The following ROBO2 variants were observed in gnomAD, a reference collection of about 807,000 sequenced individuals.
ROBO2 encodes roundabout homolog 2.
A neutral mutation model predicts 160.8 loss-of-function variants in ROBO2; 53 were observed. The observed-to-expected ratio is 0.33, with a 90% CI of 0.26 to 0.41. ROBO2 has a LOEUF of 0.41. ROBO2 is among the 10% of genes least tolerant of loss of function. The pLI is 1.00. For synonymous variants in ROBO2, 664 were observed against 611.7 expected (o/e 1.09, Z -1.26); for missense variants, 1,577 against 1,722.4 (o/e 0.92, Z 1.49).
At chr3:75,980,403 T>C (rs2065243432) in intron 2 of ROBO2, among the ~76,000 whole-genome samples, 1 of 151,614 alleles carries the variant, frequency 6.6e-6, no homozygotes, top group Non-Finnish European at 1.5e-5. Context: ...ACTTTCAGTC[T>C]GAGCCAAATG....
At chr3:77,212,837 T>G (rs1307193620) in intron 2 of ROBO2, among the ~76,000 whole-genome samples, 1 of 152,338 alleles carries the variant, frequency 6.6e-6, no homozygotes, top group Non-Finnish European at 1.5e-5. Flanking sequence ...GATAATCATA[T>G]GTTTTTTGTC....
intron 2 of ROBO2, among the ~76,000 whole-genome samples, chr3:77,166,189 C>T (rs1397627513): frequency 4.0e-5 from 6 of 151,716 alleles, no homozygotes; most frequent in Non-Finnish European, 7.4e-5. Context: ...ACCCAGGAGG[C>T]GGAGGTTGTA....
chr3:77,140,213 G>A (rs548929014), intron 2 of ROBO2, among the ~76,000 whole-genome samples: 5 of 152,268 alleles, frequency 3.3e-5, no homozygotes, highest in South Asian at 2.1e-4. Flanking sequence ...TTATTGTGGC[G>A]ATTGTTCTTA....
At chr3:76,926,939 G>T (rs2077026706) in intron 2 of ROBO2, among the ~76,000 whole-genome samples, 1 of 151,176 alleles carries the variant, frequency 6.6e-6, no homozygotes, top group African/African-American at 2.4e-5. Context: ...AATAATGGTG[G>T]AAAAAAATTG....
At chr3:77,040,217 C>G (rs765784200) in exon 1 of ROBO2, 2 of 986,578 alleles carry the variant, frequency 2.0e-6, no homozygotes, top group Non-Finnish European at 2.4e-6. Flanking sequence ...CAAGTCTGCC[C>G]GCCTGCAAAG....
chr3:76,488,242 A>T (rs79081631), intron 2 of ROBO2, among the ~76,000 whole-genome samples: 1 of 152,182 alleles, frequency 6.6e-6, no homozygotes, highest in Non-Finnish European at 1.5e-5. Flanking sequence ...TTCTTTGCCC[A>T]GTTTACTTGG....
intron 2 of ROBO2, among the ~76,000 whole-genome samples, chr3:76,295,769 G>A (rs1193347186): frequency 2.0e-5 from 3 of 152,046 alleles, no homozygotes; most frequent in African/African-American, 4.8e-5. Context: ...TTCATGATGT[G>A]ACTTTACGTA....
At position 75,915,618 on chromosome 3, in the gene ROBO2, A is replaced by C. The variant is rs114909257; in HGVS notation, c.-14+8658A>C. Among the ~76,000 whole-genome samples, 200 of 152,280 alleles carry C rather than the reference A, an allele frequency of 1.3e-3. 1 individual carries two copies. The highest frequency in any genetic ancestry group is 2.4e-3 in the Non-Finnish European group (162 of 68,014). Reference sequence around the variant, plus strand: ...GTGTATTTTTCAGTGGTGGCTCTAGAATTACATAGCGGGGCTTTCGAGCTG... The same window carrying C: ...GTGTATTTTTCAGTGGTGGCTCTAGCATTACATAGCGGGGCTTTCGAGCTG... On this transcript the variant is annotated intron_variant, in intron 1 of 26. Coordinates refer to the ROBO2 transcript ENST00000487694.
At position 76,964,445 on chromosome 3, in the gene ROBO2, T is replaced by C. The variant is rs566648340; in HGVS notation, c.110-133569T>C. Among the ~76,000 whole-genome samples, 44 of 152,170 alleles carry C rather than the reference T, an allele frequency of 2.9e-4. 1 individual carries two copies. In the South Asian group the frequency reaches 9.1e-3, roughly 32 times the overall value. On this transcript the variant is annotated intron_variant, in intron 2 of 26. Transcript: ENST00000487694. ...GCAACCTCCGCCTCCCTGGTTCAAG[T>C]GATTCTCCTGCCTCAGCCTCCAGAG... is the stretch of plus-strand genomic sequence containing the variant.
intron 2 of ROBO2, among the ~76,000 whole-genome samples, chr3:76,345,789 TTTTA>T (rs1421208595): frequency 6.6e-6 from 1 of 152,142 alleles, no homozygotes; most frequent in Non-Finnish European, 1.5e-5. Context: ...TTGCTGAAAG[TTTTA>T]TTTATGAAAT....
chr3:77,478,650 T>C (rs1257111721), intron 3 of ROBO2, among the ~76,000 whole-genome samples: 1 of 152,220 alleles, frequency 6.6e-6, no homozygotes, highest in Non-Finnish European at 1.5e-5. Context: ...TCAATACAAC[T>C]GAGAGTGAAT....
At chr3:76,210,127 C>A (rs1483321213) in intron 2 of ROBO2, among the ~76,000 whole-genome samples, 8 of 151,976 alleles carry the variant, frequency 5.3e-5, no homozygotes, top group Admixed American at 5.3e-4. Flanking sequence ...AAAGAACTCT[C>A]CCTTCTAATA....
chr3:77,274,182 G>C (rs983065331), intron 2 of ROBO2, among the ~76,000 whole-genome samples: 6 of 152,010 alleles, frequency 3.9e-5, no homozygotes, highest in African/African-American at 1.4e-4. Flanking sequence ...TCGTCACACA[G>C]GTGCATATAA....
At chr3:77,130,975 G>GT (rs56892493) in intron 2 of ROBO2, among the ~76,000 whole-genome samples, 4,428 of 152,138 alleles carry the variant, frequency 0.029, 223 homozygotes, top group African/African-American at 0.099. Flanking sequence ...TATTTCTGCT[G>GT]TTTTTTCTTA....
chr3:76,864,009 A>G (rs954568738), intron 2 of ROBO2, among the ~76,000 whole-genome samples: 23 of 152,178 alleles, frequency 1.5e-4, no homozygotes, highest in African/African-American at 5.5e-4. Flanking sequence ...TAACATTTCC[A>G]GGTGAGTGGG....
chr3:76,170,874 A>T (rs1460460485), intron 2 of ROBO2, among the ~76,000 whole-genome samples: 3 of 152,214 alleles, frequency 2.0e-5, no homozygotes, highest in Admixed American at 6.5e-5. Context: ...GCGAACAATT[A>T]GTATGTGGCT....
intron 2 of ROBO2, among the ~76,000 whole-genome samples, chr3:76,487,444 A>G (rs1050530587): frequency 6.6e-6 from 1 of 152,204 alleles, no homozygotes; most frequent in African/African-American, 2.4e-5. Context: ...TTATTCTGAT[A>G]AAAATATATA....
At chr3:77,163,665 C>T (rs2078690100) in intron 2 of ROBO2, among the ~76,000 whole-genome samples, 1 of 152,066 alleles carries the variant, frequency 6.6e-6, no homozygotes, top group African/African-American at 2.4e-5. Flanking sequence ...TGTCTGTTTT[C>T]TCAACCTGAC....
At chr3:77,112,836 A>G (rs745937546) in intron 2 of ROBO2, among the ~76,000 whole-genome samples, 1 of 152,212 alleles carries the variant, frequency 6.6e-6, no homozygotes, top group Admixed American at 6.5e-5. Flanking sequence ...ATAACCTAAT[A>G]AACCTAAATA....
Sources: allele counts gnomAD v4.1 joint callset (sites outside exome capture counted in the v4.1 genomes callset), GRCh38; gene constraint gnomAD v4.1.1; transcripts MANE v1.5; gene names NCBI Gene and HGNC (gene_info 2026-07-23, HGNC 2026-07-21).